HECW1: variants seen among roughly 807,000 people sequenced by gnomAD.
The protein encoded by HECW1 is HECT, C2 and WW domain containing E3 ubiquitin protein ligase 1.
Under a neutral mutation model 182.3 loss-of-function variants are expected in HECW1, and 61 were observed. The ratio of observed to expected loss-of-function variants is 0.33; its 90% CI spans 0.27 to 0.41. The LOEUF (loss-of-function observed/expected upper bound fraction) is 0.41. HECW1 is among the 10% of genes least tolerant of loss of function. The probability of loss-of-function intolerance (pLI) is 1.00; values close to 1 mark genes in which losing one functional copy is unlikely to be tolerated. For synonymous variants in HECW1, 859 were observed against 832.6 expected (o/e 1.03, Z -0.55); for missense variants, 1,739 against 2,108.9 (o/e 0.82, Z 3.44).
chr7:43,563,587 G>A lies in HECW1; in HGVS notation c.*1661G>A, dbSNP rs7794329. On this transcript the variant is annotated 3_prime_UTR_variant, in exon 30 of 30. Transcript: ENST00000395891. Reference sequence around the variant, plus strand: ...GTGTTCCTACACTCTAAAGCATTCCGGCCAGGAGCGGTGGCTCATGCCTGT... The same window carrying A: ...GTGTTCCTACACTCTAAAGCATTCCAGCCAGGAGCGGTGGCTCATGCCTGT... 9.1e-5 allele frequency: 17 copies of A among 187,484 alleles called. No homozygotes were observed. Among genetic ancestry groups the A allele is most frequent in the African/African-American group, 2.6e-4 (11 of 42,656 alleles). The allele number at this position is 187,484 out of a possible 1,614,324, so 11.6% of individuals were successfully genotyped here. A position where few individuals can be genotyped will look rare whatever the true frequency, so the allele number is the denominator to read the frequency against.
intron 8 of HECW1, among the ~76,000 whole-genome samples, chr7:43,418,370 A>C (rs112966559): frequency 6.6e-6 from 1 of 152,212 alleles, no homozygotes; most frequent in Non-Finnish European, 1.5e-5. Flanking sequence ...TCTTGAAGCT[A>C]TAAGTTTGTT....
At chr7:43,172,592 C>T (rs926172940) in intron 2 of HECW1, among the ~76,000 whole-genome samples, 1 of 152,036 alleles carries the variant, frequency 6.6e-6, no homozygotes, top group Non-Finnish European at 1.5e-5. Flanking sequence ...CTTTTATAAA[C>T]GTGCTTTACA....
chr7:43,562,579 C>T lies in HECW1; in HGVS notation c.*653C>T, dbSNP rs1033327257. ...ATATGACACTTCTAACGATTAACAA[C>T]AGCAAGAAAACACCTGCTGCTGATG... On this transcript the variant is annotated 3_prime_UTR_variant, in exon 30 of 30. Transcript: ENST00000395891. 5 of 228,314 alleles carry T rather than the reference C, an allele frequency of 2.2e-5. No homozygotes were observed. Among genetic ancestry groups the T allele is most frequent in the African/African-American group, 4.4e-5 (2 of 45,042 alleles). 14.1% of individuals were successfully genotyped at this position (228,314 alleles called of 1,614,324 possible).
chr7:43,454,159 C>G (rs1039745524), intron 12 of HECW1, among the ~76,000 whole-genome samples: 1 of 152,284 alleles, frequency 6.6e-6, no homozygotes, highest in South Asian at 2.1e-4. Flanking sequence ...CCTTTGTCTG[C>G]GAAGGACCCC....
intron 5 of HECW1, among the ~76,000 whole-genome samples, chr7:43,334,726 G>T (rs750809189): frequency 6.6e-6 from 1 of 152,178 alleles, no homozygotes; most frequent in Non-Finnish European, 1.5e-5. Context: ...GTTATCCAAG[G>T]CTTATGAATT....
chr7:43,476,834 A>G (rs1288610274), intron 16 of HECW1, among the ~76,000 whole-genome samples: 1 of 152,180 alleles, frequency 6.6e-6, no homozygotes, highest in Non-Finnish European at 1.5e-5. Context: ...CTAAAGCTAG[A>G]AAAATATAGT....
intron 7 of HECW1, among the ~76,000 whole-genome samples, chr7:43,401,567 G>GTTTTTTTTTTTTTTTT (rs10574466): frequency 8.1e-6 from 1 of 123,188 alleles, no homozygotes; most frequent in African/African-American, 3.0e-5. Flanking sequence ...ATTTAAAAAG[G>GTTTTTTTTTTTTTTTT]TTTTTTTTTT....
intron 4 of HECW1, among the ~76,000 whole-genome samples, chr7:43,319,363 C>T (rs183697985): frequency 4.0e-5 from 5 of 125,832 alleles, no homozygotes; most frequent in Admixed American, 1.9e-4. Flanking sequence ...GTCCGCAGTC[C>T]GGCCTGGGCG....
At chr7:43,426,486 A>G (rs1336190140) in intron 8 of HECW1, among the ~76,000 whole-genome samples, 1 of 152,210 alleles carries the variant, frequency 6.6e-6, no homozygotes, top group African/African-American at 2.4e-5. Flanking sequence ...CCTGGAAGAC[A>G]TATTTTAGTA....
At chr7:43,350,755 T>C (rs903524402) in intron 5 of HECW1, among the ~76,000 whole-genome samples, 3 of 152,250 alleles carry the variant, frequency 2.0e-5, no homozygotes, top group African/African-American at 7.2e-5. Flanking sequence ...CCATGACTAT[T>C]TCTCCCTTTA....
At position 43,386,779 on chromosome 7, in the gene HECW1, A is replaced by T. The variant is rs1175737069; in HGVS notation, c.556-10035A>T. Among the ~76,000 whole-genome samples the T allele has an allele frequency of 3.3e-5, 5 of 152,110 alleles. No individual in the cohort carries two copies. The South Asian group carries it at 1.0e-3, about 32-fold the overall frequency. ...GAGGAATGTGTCCATCAGTTCCCTC[A>T]TTTGGGCCAGCTGAAGGGTGTAGAA... On this transcript the variant is annotated intron_variant, in intron 6 of 29. Transcript: ENST00000395891.
chr7:43,403,663 T>C (rs1347130175), intron 7 of HECW1, among the ~76,000 whole-genome samples: 1 of 152,104 alleles, frequency 6.6e-6, no homozygotes, highest in Non-Finnish European at 1.5e-5. Context: ...TCACATATAA[T>C]GGGGTGATAT....
chr7:43,268,982 A>G (rs184382056), intron 3 of HECW1, among the ~76,000 whole-genome samples: 5 of 152,074 alleles, frequency 3.3e-5, no homozygotes, highest in Admixed American at 3.3e-4. Context: ...GGGTCTTGGT[A>G]TGTTGCCTAG....
chr7:43,465,650 G>T (rs1301624377), intron 14 of HECW1, among the ~76,000 whole-genome samples: 13 of 152,218 alleles, frequency 8.5e-5, no homozygotes, highest in Non-Finnish European at 1.0e-4. Flanking sequence ...ATACAACTGG[G>T]TGTGGATACA....
chr7:43,351,567 C>T (rs2152806470), intron 5 of HECW1, among the ~76,000 whole-genome samples: 1 of 152,122 alleles, frequency 6.6e-6, no homozygotes, highest in South Asian at 2.1e-4. Flanking sequence ...GGGTGAGATT[C>T]CCAGGAGTGA....
intron 2 of HECW1, among the ~76,000 whole-genome samples, chr7:43,220,465 C>A (rs1470155318): frequency 6.6e-6 from 1 of 152,230 alleles, no homozygotes; most frequent in African/African-American, 2.4e-5. Flanking sequence ...AGAGATCAGG[C>A]TGATGTCACG....
chr7:43,217,678 G>A (rs1375366791), intron 2 of HECW1, among the ~76,000 whole-genome samples: 1 of 152,186 alleles, frequency 6.6e-6, no homozygotes, highest in Non-Finnish European at 1.5e-5. Flanking sequence ...AAAATGATGA[G>A]GGGCTTAGGC....
chr7:43,206,119 C>T (rs1039404437), intron 2 of HECW1, among the ~76,000 whole-genome samples: 1 of 152,144 alleles, frequency 6.6e-6, no homozygotes, highest in Non-Finnish European at 1.5e-5. Context: ...CTTTTGGAAC[C>T]GGAGAGCAAA....
intron 2 of HECW1, among the ~76,000 whole-genome samples, chr7:43,201,249 A>G (rs61700075): frequency 0.054 from 8,298 of 152,262 alleles, 319 homozygotes; most frequent in African/African-American, 0.1. Flanking sequence ...CCAATGGAAG[A>G]GGCAGTCCCA....
Sources: gnomAD v4.1 joint callset for allele counts (sites outside exome capture counted in the v4.1 genomes callset) on GRCh38, gnomAD v4.1.1 for gene constraint, MANE v1.5 for transcripts, NCBI Gene and HGNC (gene_info 2026-07-23, HGNC 2026-07-21) for gene names.